KIRREL3: variants seen among roughly 807,000 people sequenced by gnomAD.
KIRREL3 encodes kirre like nephrin family adhesion molecule 3.
KIRREL3 carries 36 observed loss-of-function variants against 89.7 expected under a neutral mutation model. The observed-to-expected ratio is 0.40, with a 90% CI of 0.31 to 0.53. The LOEUF (loss-of-function observed/expected upper bound fraction) is 0.53, where lower values mean the gene tolerates loss of function less well. KIRREL3 is among the 20% of genes least tolerant of loss of function. The pLI is 0.49. For synonymous variants in KIRREL3, 445 were observed against 441.4 expected (o/e 1.01, Z -0.10); for missense variants, 864 against 1,056.6 (o/e 0.82, Z 2.53).
rs1422067582 is a variant in KIRREL3 at position 126,477,006 on chromosome 11, G to C, written c.434-3540C>G. ...AAATAGTTGACTGTTTTGGTGTTGT[G>C]CTTGTTGTCAGTCAGGAAAAAAATG... On this transcript the variant is annotated intron_variant, in intron 4 of 16. Coordinates refer to ENST00000525144, the MANE Select transcript of KIRREL3 (RefSeq NM_032531.4). This position sits in a 1 kb window ranked among gnomAD's most constrained non-coding sequence, Gnocchi z 4.8. 6.6e-6 allele frequency among the ~76,000 whole-genome samples: 1 copy of C among 152,250 alleles called. No individual in the cohort carries two copies. The highest frequency in any genetic ancestry group is 2.4e-5 in the African/African-American group (1 of 41,470).
chr11:126,497,053 C>G (rs1957678407), intron 4 of KIRREL3, among the ~76,000 whole-genome samples: 1 of 152,162 alleles, frequency 6.6e-6, no homozygotes, highest in Non-Finnish European at 1.5e-5. Context: ...TACAGGACCA[C>G]ACGTGACACA....
At chr11:126,921,452 T>C (rs1947283371) in intron 1 of KIRREL3, among the ~76,000 whole-genome samples, 1 of 152,000 alleles carries the variant, frequency 6.6e-6, no homozygotes, top group African/African-American at 2.4e-5. Flanking sequence ...TCTATCTTCC[T>C]ATCTATCTAC....
intron 1 of KIRREL3, among the ~76,000 whole-genome samples, chr11:126,728,083 A>G (rs1020942460): frequency 3.9e-5 from 6 of 152,142 alleles, no homozygotes; most frequent in African/African-American, 1.4e-4. Flanking sequence ...TGACTGGTAT[A>G]TCAGAGTCAC....
intron 1 of KIRREL3, among the ~76,000 whole-genome samples, chr11:126,919,041 T>A (rs554493235): frequency 2.0e-5 from 3 of 150,484 alleles, no homozygotes; most frequent in African/African-American, 7.3e-5. Flanking sequence ...ATTAATACTA[T>A]ATTATATATA....
intron 4 of KIRREL3, among the ~76,000 whole-genome samples, chr11:126,481,560 C>G (rs1957220004): frequency 6.6e-6 from 1 of 152,196 alleles, no homozygotes; most frequent in African/African-American, 2.4e-5. Context: ...GGAGAATGGC[C>G]CCACTGTTTG....
At position 126,953,700 on chromosome 11, in the gene KIRREL3, A is replaced by G. The variant is rs1948836512; in HGVS notation, c.55+46755T>C. Among the ~76,000 whole-genome samples the G allele has an allele frequency of 6.6e-6, 1 of 152,122 alleles. No homozygotes were observed. The highest frequency in any genetic ancestry group is 1.5e-5 in the Non-Finnish European group (1 of 68,018). ...CAGAAAATAATCAAATCGTTCTCCA[A>G]TTTTTTGCAAAAGAGTAATTCTGAC... On this transcript the variant is annotated intron_variant, in intron 1 of 16. Coordinates refer to ENST00000525144, the MANE Select transcript of KIRREL3 (RefSeq NM_032531.4). This position sits in a 1 kb window ranked among gnomAD's most constrained non-coding sequence, Gnocchi z 5.2.
At chr11:126,593,876 T>A (rs1297959795) in intron 1 of KIRREL3, among the ~76,000 whole-genome samples, 1 of 152,124 alleles carries the variant, frequency 6.6e-6, no homozygotes, top group Non-Finnish European at 1.5e-5. Context: ...ACCGTTGCCA[T>A]CACTGCGAGA....
At chr11:126,926,728 C>T (rs539380840) in intron 1 of KIRREL3, among the ~76,000 whole-genome samples, 1 of 152,236 alleles carries the variant, frequency 6.6e-6, no homozygotes, top group South Asian at 2.1e-4. Context: ...ATGCAGTGCA[C>T]GGCCAAGCAG....
At chr11:126,950,222 A>T (rs1471574523) in intron 1 of KIRREL3, among the ~76,000 whole-genome samples, 1 of 152,054 alleles carries the variant, frequency 6.6e-6, no homozygotes, top group Non-Finnish European at 1.5e-5. Flanking sequence ...AAATACAAAA[A>T]TTTAGCCAGG....
Position 126,495,822 on chromosome 11 carries a change from G to C in KIRREL3, c.434-22356C>G, listed in dbSNP as rs1212764085. 6.6e-6 allele frequency among the ~76,000 whole-genome samples: 1 copy of C among 152,192 alleles called. No individual in the cohort carries two copies. Among genetic ancestry groups the C allele is most frequent in the Non-Finnish European group, 1.5e-5 (1 of 68,036 alleles). ...ATCAGGACACTGGGACTCTAGTCCT[G>C]ACACTCAGCAAATGGCAACTGCATG... On this transcript the variant is annotated intron_variant, in intron 4 of 16. Coordinates refer to ENST00000525144, the MANE Select transcript of KIRREL3 (RefSeq NM_032531.4). The surrounding 1 kb of genome is among the most constrained non-coding windows in gnomAD (Gnocchi z 6.5).
rs1429243600 is a variant in KIRREL3, at chr11:126,768,667, G to T, written c.56-205755C>A. ...CCTTTGGGCTAAGACCTGCACAGGA[G>T]AGCCCATCCCTCAAAATGAGAAAGA... On this transcript the variant is annotated intron_variant, in intron 1 of 16. Transcript: ENST00000525144. The surrounding 1 kb of genome is among the most constrained non-coding windows in gnomAD (Gnocchi z 4.5). Among the ~76,000 whole-genome samples the T allele has an allele frequency of 6.6e-6, 1 of 152,142 alleles. No individual in the cohort carries two copies. The highest frequency in any genetic ancestry group is 2.4e-5 in the African/African-American group (1 of 41,410).
intron 1 of KIRREL3, among the ~76,000 whole-genome samples, chr11:126,585,907 C>T (rs1250378428): frequency 1.3e-5 from 2 of 152,262 alleles, no homozygotes; most frequent in African/African-American, 4.8e-5. Context: ...CCTGTGCTGC[C>T]TGAGACAGAG....
intron 1 of KIRREL3, among the ~76,000 whole-genome samples, chr11:126,882,244 A>G (rs930013049): frequency 1.5e-4 from 23 of 152,216 alleles, no homozygotes; most frequent in African/African-American, 4.6e-4. Context: ...AGGTGCATAC[A>G]TCTCCTTCTC....
intron 1 of KIRREL3, among the ~76,000 whole-genome samples, chr11:126,706,436 C>T (rs762312332): frequency 6.6e-6 from 1 of 152,154 alleles, no homozygotes; most frequent in Admixed American, 6.5e-5. Context: ...TGCAAAAATG[C>T]AGCAATAGAC....
rs538767761 is a variant in KIRREL3, at chr11:126,677,354, G to A, written c.56-114442C>T. Among the ~76,000 whole-genome samples, 3 of 152,316 alleles carry A rather than the reference G, an allele frequency of 2.0e-5. No homozygotes were observed. Among genetic ancestry groups the A allele is most frequent in the East Asian group, 1.9e-4 (1 of 5,182 alleles). On this transcript the variant is annotated intron_variant, in intron 1 of 16. Coordinates refer to ENST00000525144, the MANE Select transcript of KIRREL3 (RefSeq NM_032531.4). This position sits in a 1 kb window ranked among gnomAD's most constrained non-coding sequence, Gnocchi z 5.1. ...TTTCGTATAAGTGGAACCATAGACT[G>A]TAACTTTTTAGGATTGCACGTTCCC...
chr11:126,632,405 G>A (rs1482944966), intron 1 of KIRREL3, among the ~76,000 whole-genome samples: 1 of 152,198 alleles, frequency 6.6e-6, no homozygotes, highest in Non-Finnish European at 1.5e-5. Flanking sequence ...ACACACACAC[G>A]AAAGGAAAAT....
intron 1 of KIRREL3, among the ~76,000 whole-genome samples, chr11:126,845,832 A>C (rs1405180256): frequency 6.6e-6 from 1 of 152,186 alleles, no homozygotes; most frequent in African/African-American, 2.4e-5. Flanking sequence ...GGACTTTTTA[A>C]AAGAGTGCTA....
rs184507352 is a variant in KIRREL3 at position 126,605,998 on chromosome 11, C to T, written c.56-43086G>A. ...TGAGCCATAGTGTGGTCCAGAGGGA[C>T]GCAGGCCATCTTGGGAAGGAATCCC... On this transcript the variant is annotated intron_variant, in intron 1 of 16. Transcript: ENST00000525144. This position sits in a 1 kb window ranked among gnomAD's most constrained non-coding sequence, Gnocchi z 5.7. 2.2e-3 allele frequency among the ~76,000 whole-genome samples: 337 copies of T among 152,272 alleles called. 1 individual carries two copies. The highest frequency in any genetic ancestry group is 7.7e-3 in the African/African-American group (321 of 41,558).
At chr11:126,809,640 TGGA>T (rs1951315480) in intron 1 of KIRREL3, among the ~76,000 whole-genome samples, 1 of 152,240 alleles carries the variant, frequency 6.6e-6, no homozygotes, top group Non-Finnish European at 1.5e-5. Flanking sequence ...GTATGCTAAC[TGGA>T]GAGGTTAGAG....
Sources: allele counts gnomAD v4.1 joint callset (sites outside exome capture counted in the v4.1 genomes callset), GRCh38; gene constraint gnomAD v4.1.1; non-coding constraint Gnocchi (gnomAD v3.1); transcripts MANE v1.5; gene names NCBI Gene and HGNC (gene_info 2026-07-23, HGNC 2026-07-21).